Variants in BRD4 observed in about 807,000 individuals in gnomAD.
The protein encoded by BRD4 is bromodomain containing 4, also known as bromodomain-containing protein 4.
BRD4 carries 16 observed loss-of-function variants against 142.1 expected under a neutral mutation model. The ratio of observed to expected loss-of-function variants is 0.11; its 90% CI spans 0.08 to 0.17. The LOEUF is 0.17. BRD4 is among the 10% of genes least tolerant of loss of function. The pLI, the probability that BRD4 is intolerant of heterozygous loss-of-function variation, is 1.00. For synonymous variants in BRD4, 833 were observed against 707.5 expected (o/e 1.18, Z -2.82); for missense variants, 1,424 against 1,810.9 (o/e 0.79, Z 3.88).
At chr19:15,249,478 C>T (rs113579915) in intron 11 of BRD4, among the ~76,000 whole-genome samples, 1,794 of 152,260 alleles carry the variant, frequency 0.012, 21 homozygotes, top group Middle Eastern at 0.021. Context: ...ACAGACCCAC[C>T]GCCCGCTTAG....
intron 1 of BRD4, among the ~76,000 whole-genome samples, chr19:15,327,683 T>C (rs1391769808): frequency 6.6e-6 from 1 of 151,900 alleles, no homozygotes; most frequent in Non-Finnish European, 1.5e-5. Context: ...TATAATGGAG[T>C]ATCATTCAGT....
At chr19:15,302,037 C>G (rs1029778624) in intron 1 of BRD4, among the ~76,000 whole-genome samples, 3 of 151,790 alleles carry the variant, frequency 2.0e-5, no homozygotes, top group African/African-American at 7.3e-5. Flanking sequence ...CATGGTGGCG[C>G]AGGCCTGTAA....
chr19:15,269,160 G>C (rs1193355516), intron 2 of BRD4, 118 bp from the exon 3 acceptor site: 11 of 1,124,732 alleles, frequency 9.8e-6, no homozygotes, highest in Non-Finnish European at 1.4e-5. Context: ...AAATCCACGG[G>C]AGCCACAGCT....
intron 1 of BRD4, among the ~76,000 whole-genome samples, chr19:15,278,852 C>CT (rs756325514): frequency 6.6e-6 from 1 of 151,492 alleles, no homozygotes; most frequent in African/African-American, 2.4e-5. Flanking sequence ...GTTTTCTTTT[C>CT]TTTTTTGAGA....
intron 1 of BRD4, among the ~76,000 whole-genome samples, chr19:15,326,153 T>TAAAA (rs755812111): frequency 9.9e-6 from 1 of 100,918 alleles, no homozygotes; most frequent in Non-Finnish European, 2.0e-5. Flanking sequence ...AATGTAGCAT[T>TAAAA]AAAAAAAAAA....
At chr19:15,273,160 G>C (rs1235659289) in intron 1 of BRD4, 27 bp from the exon 2 acceptor site, 5 of 1,522,508 alleles carry the variant, frequency 3.3e-6, no homozygotes, top group African/African-American at 1.4e-5. Flanking sequence ...GAGCCCCCGT[G>C]AGATATCAGT....
chr19:15,237,183 C>A lies in BRD4; in HGVS notation c.*1194G>T, dbSNP rs565228852. ...AAAAAACAAAAACAAAAACAAAAAC[C>A]AAAACCAAAAAAACCAACTCAACAG... On this transcript the variant is annotated 3_prime_UTR_variant, in exon 20 of 20. Coordinates refer to ENST00000679869, the MANE Select transcript of BRD4 (RefSeq NM_001379291.1). 1.4e-3 allele frequency: 228 copies of A among 166,468 alleles called. 3 individuals are homozygous for A. The South Asian group carries it at 0.028, about 21-fold the overall frequency. The allele number at this position is 166,468 out of a possible 1,614,324, so 10.3% of individuals were successfully genotyped here.
At chr19:15,300,805 C>T (rs191502798) in intron 1 of BRD4, among the ~76,000 whole-genome samples, 2 of 152,292 alleles carry the variant, frequency 1.3e-5, no homozygotes, top group East Asian at 1.9e-4. Context: ...AGATGAGCAA[C>T]GACTAAAACT....
chr19:15,329,941 ATAATT>A (rs1464363230), intron 1 of BRD4, among the ~76,000 whole-genome samples: 2 of 152,244 alleles, frequency 1.3e-5, no homozygotes, highest in Non-Finnish European at 2.9e-5. Flanking sequence ...AAACAATTCA[ATAATT>A]TAGTGGAAAT....
chr19:15,290,857 G>C (rs2047776562), intron 1 of BRD4, among the ~76,000 whole-genome samples: 1 of 152,082 alleles, frequency 6.6e-6, no homozygotes, highest in African/African-American at 2.4e-5. Flanking sequence ...ATGATATACA[G>C]GCTATTATAA....
intron 1 of BRD4, among the ~76,000 whole-genome samples, chr19:15,281,001 C>G (rs1038715163): frequency 2.6e-5 from 4 of 152,262 alleles, no homozygotes; most frequent in Non-Finnish European, 5.9e-5. Context: ...AGAGTGGCAT[C>G]TACTTCAAAT....
At chr19:15,262,909 G>A (rs1275185273) in intron 7 of BRD4, among the ~76,000 whole-genome samples, 2 of 151,902 alleles carry the variant, frequency 1.3e-5, no homozygotes, top group African/African-American at 2.4e-5. Flanking sequence ...CCGCCCACAC[G>A]TGTACTTCAC....
chr19:15,251,410 G>T (rs1313704142), intron 11 of BRD4, among the ~76,000 whole-genome samples: 2 of 118,786 alleles, frequency 1.7e-5, no homozygotes, highest in African/African-American at 3.2e-5. Context: ...CAGGAATTTC[G>T]GCTCCAATCC....
Position 15,332,501 on chromosome 19 carries a change from A to AGCAGCCGCC in BRD4, c.-247_-246insGGCGGCTGC, listed in dbSNP as rs2048171868. On this transcript the variant is annotated 5_prime_UTR_variant, in exon 1 of 20. Transcript: ENST00000679869. ...TGCGGGAGACCAGAACAAACAGCCC[A>AGCAGCCGCC]GCCGCCGCCGCCGCCGCCGCCGCCG... 6.4e-6 allele frequency: 1 copy of AGCAGCCGCC among 155,818 alleles called. No individual in the cohort carries two copies. Among genetic ancestry groups the AGCAGCCGCC allele is most frequent in the Admixed American group, 6.8e-5 (1 of 14,610 alleles). The allele number at this position is 155,818 out of a possible 1,614,324, so 9.7% of individuals were successfully genotyped here. A position where few individuals can be genotyped will look rare whatever the true frequency, so the allele number is the denominator to read the frequency against.
Position 15,255,396 on chromosome 19 carries a change from C to T in BRD4, c.1948G>A (p.Asp650Asn), listed in dbSNP as rs2145570090. The T allele has an allele frequency of 6.2e-7, 1 of 1,614,052 alleles. No individual in the cohort carries two copies. Among genetic ancestry groups the T allele is most frequent in the Non-Finnish European group, 8.5e-7 (1 of 1,180,014 alleles). Residue 650 changes from aspartate to asparagine, a missense_variant, in exon 10 of 20, where the codon GAC (aspartate) becomes AAC (asparagine). Coordinates refer to ENST00000679869, the MANE Select transcript of BRD4 (RefSeq NM_001379291.1). The stretch of plus-strand genomic sequence containing the variant: ...GTCTCAAAGTCGATTTCAATCTCGT[C>T]GGGGTTGGAATTCTTCAGGGAGGGC... ...REPSLKNSNP[D>N]EIEIDFETLK...
rs1455049259 is a variant in BRD4 at position 15,238,894 on chromosome 19, C to A, written c.3869G>T (p.Arg1290Leu). 2.5e-6 allele frequency: 4 copies of A among 1,595,176 alleles called. No individual in the cohort carries two copies. Among genetic ancestry groups the A allele is most frequent in the Middle Eastern group, 1.7e-4 (1 of 5,784 alleles). Residue 1290 changes from arginine (R) to leucine (L), a missense_variant, in exon 19 of 20, where the codon CGC becomes CTC. By Grantham distance (102) the Arg-to-Leu change is moderately radical. Transcript: ENST00000679869. This position sits in a 1 kb window ranked among gnomAD's most constrained non-coding sequence, Gnocchi z 7.2. ...TTGCTGCTGCTGCTGTTGCTCCTGG[C>A]GCTGCTGCTGCTGCTGCTCCTGGCG... is the stretch of plus-strand genomic sequence containing the variant. ...RRRQEQQQQQRQEQQQQQQQQ... is the reference protein window; with the variant it reads ...RRRQEQQQQQLQEQQQQQQQQ...
In BRD4 at chr19:15,273,032, G is replaced by C; in HGVS notation, c.68C>G (p.Thr23Ser). ...GGCCTGTGTTGTAGACATTTGGGAA[G>C]TTTCTAGTCCATCCCCCATTACTGG... is the stretch of plus-strand genomic sequence containing the variant. ...NLPVMGDGLE[T>S]SQMSTTQAQA... The change falls in exon 2 of 20, where the codon ACT becomes AGT. Residue 23 changes from threonine to serine, a missense_variant. Thr to Ser is a moderately conservative substitution (Grantham distance 58). Around this residue, in one of 16 missense-constraint regions of BRD4, gnomAD observed 70 missense variants for 69.8 expected, o/e 1.00. Transcript: ENST00000679869. 1 of 1,613,696 alleles carries C rather than the reference G, an allele frequency of 6.2e-7. No homozygotes were observed. Among genetic ancestry groups the C allele is most frequent in the Non-Finnish European group, 8.5e-7 (1 of 1,179,668 alleles).
chr19:15,238,098 A>T lies in BRD4; in HGVS notation c.*279T>A. The stretch of plus-strand genomic sequence containing the variant: ...GCCTCTGCCCCGCATGTGGGGATGC[A>T]GGGCTTGGGTCCAGCCGGCACTTGC... On this transcript the variant is annotated 3_prime_UTR_variant, in exon 20 of 20. Transcript: ENST00000679869. The surrounding 1 kb of genome is among the most constrained non-coding windows in gnomAD (Gnocchi z 7.2). 1 of 475,378 alleles carries T rather than the reference A, an allele frequency of 2.1e-6. No homozygotes were observed. The highest frequency in any genetic ancestry group is 3.8e-6 in the Non-Finnish European group (1 of 263,014). 29.4% of individuals were successfully genotyped at this position (475,378 alleles called of 1,614,324 possible).
chr19:15,244,949 C>A, intron 11 of BRD4, 187 bp from the exon 12 acceptor site: 1 of 1,046,754 alleles, frequency 9.6e-7, no homozygotes, highest in Non-Finnish European at 1.3e-6. Context: ...GAGGCATCAC[C>A]TACCCACTTG....
Sources: gnomAD v4.1 joint callset for allele counts (sites outside exome capture counted in the v4.1 genomes callset) on GRCh38, gnomAD v4.1.1 for gene constraint, gnomAD v4.1.1 regional missense constraint, Gnocchi (gnomAD v3.1) non-coding constraint, MANE v1.5 for transcripts, NCBI Gene and HGNC (gene_info 2026-07-23, HGNC 2026-07-21) for gene names.